MDFIC2: variants seen among roughly 807,000 people sequenced by gnomAD.
The protein encoded by MDFIC2 is MyoD family inhibitor domain containing 2, also known as myoD family inhibitor domain-containing protein 2.
At chr3:70,248,577 T>C (rs1462827120) in intron 2 of MDFIC2, among the ~76,000 whole-genome samples, 1 of 152,024 alleles carries the variant, frequency 6.6e-6, no homozygotes, top group African/African-American at 2.4e-5. Flanking sequence ...AGAAAGAGAA[T>C]GTTGGCAGCA....
At chr3:70,232,080 G>T (rs1395540971) in intron 2 of MDFIC2, among the ~76,000 whole-genome samples, 1 of 152,138 alleles carries the variant, frequency 6.6e-6, no homozygotes, top group African/African-American at 2.4e-5. Context: ...TGAACTGGGA[G>T]ATGTGCTTTC....
At chr3:70,305,509 G>C (rs915594177) in intron 2 of MDFIC2, among the ~76,000 whole-genome samples, 1 of 152,154 alleles carries the variant, frequency 6.6e-6, no homozygotes. Flanking sequence ...GAGAGAATTA[G>C]ATTGGATTAA....
At chr3:70,312,119 A>G (rs1160764798) in intron 1 of MDFIC2, 146 bp from the exon 2 acceptor site, 1 of 388,646 alleles carries the variant, frequency 2.6e-6, no homozygotes, top group East Asian at 3.6e-5. Flanking sequence ...GTTAAGTCTT[A>G]ACATTTTATT....
chr3:70,242,020 C>T lies in MDFIC2; in HGVS notation c.89-35230G>A, dbSNP rs377088621. 3.7e-4 allele frequency among the ~76,000 whole-genome samples: 57 copies of T among 152,270 alleles called. 2 individuals are homozygous for T. Among genetic ancestry groups the T allele is most frequent in the South Asian group, 4.1e-4 (2 of 4,824 alleles). On this transcript the variant is annotated intron_variant, in intron 2 of 3. Transcript: ENST00000567252. ...ACCAACACAGTTCTTCTGTGTGCAACGGCTGACTACACTATCTTTGATGCC... is the reference window on the plus strand; with the variant it reads ...ACCAACACAGTTCTTCTGTGTGCAATGGCTGACTACACTATCTTTGATGCC...
At chr3:70,275,278 T>C (rs1702012586) in intron 2 of MDFIC2, among the ~76,000 whole-genome samples, 1 of 152,148 alleles carries the variant, frequency 6.6e-6, no homozygotes, top group Admixed American at 6.5e-5. Context: ...ATCTCAGCAC[T>C]TTGGCAGGCC....
chr3:70,300,783 T>C (rs1702339288), intron 2 of MDFIC2, among the ~76,000 whole-genome samples: 1 of 152,020 alleles, frequency 6.6e-6, no homozygotes, highest in Non-Finnish European at 1.5e-5. Flanking sequence ...CAGTGGCCAG[T>C]GAGTTGCTTT....
At chr3:70,300,395 A>G (rs895992921) in intron 2 of MDFIC2, among the ~76,000 whole-genome samples, 1 of 152,060 alleles carries the variant, frequency 6.6e-6, no homozygotes, top group Non-Finnish European at 1.5e-5. Context: ...TGATTCTCTC[A>G]TTTAAACTAC....
intron 2 of MDFIC2, among the ~76,000 whole-genome samples, chr3:70,277,277 A>C (rs1464776521): frequency 1.3e-5 from 2 of 152,222 alleles, no homozygotes; most frequent in Non-Finnish European, 2.9e-5. Flanking sequence ...ATCATTTTAC[A>C]TATGAAATTC....
intron 2 of MDFIC2, among the ~76,000 whole-genome samples, chr3:70,262,122 T>C (rs1302988125): frequency 2.0e-5 from 3 of 152,182 alleles, no homozygotes; most frequent in Non-Finnish European, 2.9e-5. Flanking sequence ...TTGCCTTCTA[T>C]GTGTGTTGAG....
At chr3:70,258,711 G>A (rs1701840119) in intron 2 of MDFIC2, among the ~76,000 whole-genome samples, 1 of 152,054 alleles carries the variant, frequency 6.6e-6, no homozygotes, top group Non-Finnish European at 1.5e-5. Flanking sequence ...GTGAATTGAA[G>A]CATGTTTTTA....
intron 2 of MDFIC2, among the ~76,000 whole-genome samples, chr3:70,275,064 A>C (rs6549324): frequency 0.57 from 86,935 of 152,022 alleles, 26,178 homozygotes; most frequent in Non-Finnish European, 0.69. Flanking sequence ...AGGTGATATA[A>C]GCCTGCAGCT....
chr3:70,202,644 G>C (rs990340413), intron 3 of MDFIC2, among the ~76,000 whole-genome samples: 1 of 152,078 alleles, frequency 6.6e-6, no homozygotes, highest in African/African-American at 2.4e-5. Flanking sequence ...AGACCTGCAG[G>C]CTGCACAGTC....
At chr3:70,265,531 C>A (rs1458159283) in intron 2 of MDFIC2, among the ~76,000 whole-genome samples, 5 of 148,694 alleles carry the variant, frequency 3.4e-5, no homozygotes, top group South Asian at 2.2e-4. Flanking sequence ...CATGAGCGAA[C>A]CTTCCCAGCC....
rs1434338349 is a variant in MDFIC2, at chr3:70,232,299, A to C, written c.89-25509T>G. 5.9e-5 allele frequency among the ~76,000 whole-genome samples: 9 copies of C among 152,202 alleles called. No individual in the cohort carries two copies. The East Asian group carries it at 1.7e-3, about 29-fold the overall frequency. On this transcript the variant is annotated intron_variant, in intron 2 of 3. Transcript: ENST00000567252. The stretch of plus-strand genomic sequence containing the variant: ...TATTATAAGGTAGAGAATCCCAGCA[A>C]GTGTCTCATCTTCAACCTTTATCCT...
At chr3:70,282,552 A>G (rs1016187033) in intron 2 of MDFIC2, among the ~76,000 whole-genome samples, 17 of 152,164 alleles carry the variant, frequency 1.1e-4, no homozygotes, top group African/African-American at 3.6e-4. Flanking sequence ...TTGGCTTTGA[A>G]CATTCCAAGC....
intron 1 of MDFIC2, among the ~76,000 whole-genome samples, 184 bp from the exon 2 acceptor site, chr3:70,312,157 T>C (rs1702459913): frequency 6.6e-6 from 1 of 152,198 alleles, no homozygotes; most frequent in Non-Finnish European, 1.5e-5. Context: ...AACATTGACA[T>C]TGAAAACTAA....
chr3:70,249,353 A>AG (rs1024068136), intron 2 of MDFIC2, among the ~76,000 whole-genome samples: 9 of 152,084 alleles, frequency 5.9e-5, no homozygotes, highest in African/African-American at 1.4e-4. Flanking sequence ...TCAGTGTCTA[A>AG]GGGGGGGATC....
At chr3:70,220,374 T>A (rs1248543040) in intron 2 of MDFIC2, among the ~76,000 whole-genome samples, 1 of 151,964 alleles carries the variant, frequency 6.6e-6, no homozygotes, top group African/African-American at 2.4e-5. Flanking sequence ...GAAGCTGCAG[T>A]GCTGCAGTGA....
chr3:70,233,206 C>T (rs947789276), intron 2 of MDFIC2, among the ~76,000 whole-genome samples: 1 of 152,180 alleles, frequency 6.6e-6, no homozygotes, highest in African/African-American at 2.4e-5. Flanking sequence ...AGCGAGCTCT[C>T]CCAAAACCCT....
Sources: gnomAD v4.1 joint callset for allele counts (sites outside exome capture counted in the v4.1 genomes callset) on GRCh38, gnomAD v4.1.1 for gene constraint, MANE v1.5 for transcripts, NCBI Gene and HGNC (gene_info 2026-07-23, HGNC 2026-07-21) for gene names.